The following CELF2 variants were observed in gnomAD, a reference collection of about 807,000 sequenced individuals.
CELF2 encodes the protein CUGBP Elav-like family member 2.
A neutral mutation model predicts 62.6 loss-of-function variants in CELF2; 8 were observed. The ratio of observed to expected loss-of-function variants is 0.13; its 90% CI spans 0.07 to 0.23. The LOEUF (loss-of-function observed/expected upper bound fraction) is 0.23. CELF2 is among the 10% of genes least tolerant of loss of function. The pLI is 1.00. For synonymous variants in CELF2, 258 were observed against 250.0 expected (o/e 1.03, Z -0.30); for missense variants, 333 against 671.0 (o/e 0.50, Z 5.56).
At chr10:10,544,195 G>C in the CELF2 span, among the ~76,000 whole-genome samples, 5 of 152,212 alleles carry the variant, frequency 3.3e-5, no homozygotes, top group African/African-American at 9.6e-5. Flanking sequence ...TGGGCCACCA[G>C]GTGGGCACAA....
At chr10:10,776,960 C>A in the CELF2 span, among the ~76,000 whole-genome samples, 1 of 152,242 alleles carries the variant, frequency 6.6e-6, no homozygotes, top group Non-Finnish European at 1.5e-5. Flanking sequence ...CTATGCCATT[C>A]GGCCAATCAC....
chr10:11,005,222 A>G, upstream of CELF2: 2 of 1,485,484 alleles, frequency 1.3e-6, no homozygotes, highest in Non-Finnish European at 1.8e-6. The surrounding 1 kb of genome is among the most constrained non-coding windows in gnomAD (Gnocchi z 4.3). Flanking sequence ...TCAGCATTTG[A>G]CTAGGGAAGA....
chr10:11,235,162 CA>C (rs1040793664), intron 3 of CELF2, among the ~76,000 whole-genome samples: 1 of 146,302 alleles, frequency 6.8e-6, no homozygotes, highest in Non-Finnish European at 1.5e-5. Flanking sequence ...GACATAAAGA[CA>C]AAAAAAACAA....
intron 2 of CELF2, among the ~76,000 whole-genome samples, chr10:11,209,976 C>A (rs752520904): frequency 5.3e-5 from 8 of 152,058 alleles, no homozygotes; most frequent in South Asian, 4.1e-4. Context: ...GCTTTGCTTG[C>A]AAATGCACAT....
upstream of CELF2, chr10:10,796,748 G>T: frequency 1.2e-5 from 3 of 251,210 alleles, no homozygotes; most frequent in Non-Finnish European, 1.9e-5. Context: ...CCGTATAAAA[G>T]CTATTATTAT....
chr10:10,531,136 G>T, the CELF2 span, among the ~76,000 whole-genome samples: 1 of 152,206 alleles, frequency 6.6e-6, no homozygotes, highest in African/African-American at 2.4e-5. Context: ...ATCTTCGAAA[G>T]AAATACATTT....
At chr10:11,094,056 A>G (rs945811477) in intron 1 of CELF2, among the ~76,000 whole-genome samples, 2 of 152,184 alleles carry the variant, frequency 1.3e-5, no homozygotes, top group East Asian at 1.9e-4. Context: ...CAATGTCCAC[A>G]TGGTACTGGA....
At chr10:10,966,014 G>A (rs1317336114) in intron 2 of CELF2, among the ~76,000 whole-genome samples, 4 of 152,082 alleles carry the variant, frequency 2.6e-5, no homozygotes, top group East Asian at 1.9e-4. Context: ...ATATTGCCAC[G>A]GGCCCTACTT....
chr10:11,234,176 G>T (rs541671890), intron 3 of CELF2, among the ~76,000 whole-genome samples: 2 of 152,180 alleles, frequency 1.3e-5, no homozygotes, highest in Non-Finnish European at 2.9e-5. Flanking sequence ...TGTGTCACAT[G>T]GTTCAATTTA....
chr10:10,792,248 A>G, the CELF2 span: 1 of 396,240 alleles, frequency 2.5e-6, no homozygotes, highest in South Asian at 1.4e-4. Flanking sequence ...TACCACCTTG[A>G]ATTACATTAA....
chr10:10,741,947 T>A, the CELF2 span, among the ~76,000 whole-genome samples: 1 of 152,234 alleles, frequency 6.6e-6, no homozygotes, highest in African/African-American at 2.4e-5. Context: ...TCTGTAATTA[T>A]TAATTGAAAT....
intron 2 of CELF2, among the ~76,000 whole-genome samples, chr10:10,949,559 AG>A (rs749876775): frequency 5.9e-5 from 9 of 151,992 alleles, no homozygotes; most frequent in Non-Finnish European, 1.2e-4. Flanking sequence ...TGGGAGGCCG[AG>A]GCAGATGGAT....
chr10:10,853,212 C>G (rs1452917041), intron 1 of CELF2, among the ~76,000 whole-genome samples: 1 of 152,182 alleles, frequency 6.6e-6, no homozygotes. Context: ...AACTCCTGAC[C>G]TCAGGCAATC....
upstream of CELF2, among the ~76,000 whole-genome samples, chr10:10,794,164 A>G (rs763829735): frequency 6.6e-6 from 1 of 152,166 alleles, no homozygotes; most frequent in Non-Finnish European, 1.5e-5. Flanking sequence ...TCCTATTTCC[A>G]GGGTCCAGAG....
intron 1 of CELF2, among the ~76,000 whole-genome samples, chr10:10,857,639 CA>C (rs935822397): frequency 2.5e-5 from 2 of 79,096 alleles, no homozygotes; most frequent in African/African-American, 9.8e-5. Flanking sequence ...TGGTAAACTA[CA>C]TATATATAGT....
At chr10:11,166,624 G>A (rs745823483) in intron 2 of CELF2, among the ~76,000 whole-genome samples, 4 of 152,028 alleles carry the variant, frequency 2.6e-5, no homozygotes, top group Non-Finnish European at 4.4e-5. Context: ...GTTGTTCTGC[G>A]GGCCTCACAG....
the CELF2 span, among the ~76,000 whole-genome samples, chr10:10,752,532 A>C: frequency 6.6e-6 from 1 of 151,798 alleles, no homozygotes; most frequent in Non-Finnish European, 1.5e-5. Flanking sequence ...CTACTAAAAT[A>C]CAAAAAAATT....
At chr10:10,741,723 G>T in the CELF2 span, among the ~76,000 whole-genome samples, 1 of 152,020 alleles carries the variant, frequency 6.6e-6, no homozygotes, top group Admixed American at 6.6e-5. Context: ...TTGGTCACTT[G>T]GTTAAGGCCT....
the CELF2 span, among the ~76,000 whole-genome samples, chr10:10,754,183 C>T: frequency 6.8e-6 from 1 of 147,542 alleles, no homozygotes; most frequent in African/African-American, 2.5e-5. Context: ...CTTACTCTGT[C>T]ACCCAGGCTG....
Sources: gnomAD v4.1 joint callset for allele counts (sites outside exome capture counted in the v4.1 genomes callset) on GRCh38, gnomAD v4.1.1 for gene constraint, Gnocchi (gnomAD v3.1) non-coding constraint, MANE v1.5 for transcripts, NCBI Gene and HGNC (gene_info 2026-07-23, HGNC 2026-07-21) for gene names.